Variants in FHIT observed in about 807,000 individuals in gnomAD.
The protein encoded by FHIT is bis(5'-adenosyl)-triphosphatase.
FHIT carries 19 observed loss-of-function variants against 17.9 expected under a neutral mutation model. The observed-to-expected ratio is 1.06, with a 90% CI of 0.74 to 1.56. FHIT has a LOEUF of 1.56. Ranked by LOEUF, FHIT falls within the 40% of genes most tolerant of loss-of-function variation. The pLI, the probability that FHIT is intolerant of heterozygous loss-of-function variation, is 0.00. For missense variants in FHIT, 248 were observed against 189.2 expected (o/e 1.31, Z -1.82); for synonymous variants, 81 against 69.7 (o/e 1.16, Z -0.81).
chr3:60,159,302 G>A (rs1700838477), intron 5 of FHIT, among the ~76,000 whole-genome samples: 1 of 151,994 alleles, frequency 6.6e-6, no homozygotes, highest in Non-Finnish European at 1.5e-5. Context: ...TGTATTTTTA[G>A]CAGAGACAGG....
chr3:60,446,535 C>T (rs1231450206), intron 5 of FHIT, among the ~76,000 whole-genome samples: 1 of 152,066 alleles, frequency 6.6e-6, no homozygotes, highest in East Asian at 1.9e-4. Context: ...GGATGTGCAA[C>T]TCTACTTATT....
chr3:60,671,806 C>T (rs533529725), intron 4 of FHIT, among the ~76,000 whole-genome samples: 9 of 151,352 alleles, frequency 5.9e-5, no homozygotes, highest in Admixed American at 1.3e-4. Context: ...AAAAATTAGC[C>T]GGGTGTAGTG....
intron 5 of FHIT, among the ~76,000 whole-genome samples, chr3:60,089,602 G>T (rs892500449): frequency 2.0e-5 from 3 of 152,126 alleles, no homozygotes; most frequent in Non-Finnish European, 4.4e-5. Flanking sequence ...TCCATTATAG[G>T]CTGGATGAAA....
rs572611380 is a variant in FHIT at position 59,779,341 on chromosome 3, A to G, written c.349-27020T>C. On this transcript the variant is annotated intron_variant, in intron 8 of 9. Coordinates refer to ENST00000492590, the MANE Select transcript of FHIT (RefSeq NM_002012.4). ...CGAGAGGCAGGTTCCAGGAAGCTGAAGCCAACAGAATCAAACCTTAACGTA... is the reference window on the plus strand; with the variant it reads ...CGAGAGGCAGGTTCCAGGAAGCTGAGGCCAACAGAATCAAACCTTAACGTA... 3.3e-5 allele frequency among the ~76,000 whole-genome samples: 5 copies of G among 152,248 alleles called. 1 individual carries two copies. The South Asian group carries it at 1.0e-3, about 32-fold the overall frequency.
intron 8 of FHIT, among the ~76,000 whole-genome samples, chr3:59,831,900 T>C (rs1872494): frequency 1.1e-4 from 17 of 152,196 alleles, no homozygotes; most frequent in African/African-American, 3.6e-4. Flanking sequence ...GGGATTCAAT[T>C]TGTGGCCAAA....
Position 61,158,426 on chromosome 3 carries a change from ACT to A in FHIT, c.-164+42189_-164+42190del, listed in dbSNP as rs565895962. Among the ~76,000 whole-genome samples, 1,133 of 152,190 alleles carry A rather than the reference ACT, an allele frequency of 7.4e-3. 10 individuals are homozygous for A. Among genetic ancestry groups the A allele is most frequent in the African/African-American group, 0.026 (1,087 of 41,498 alleles). ...CGCAGGCCACCAGAAGCAGAATATA[ACT>A]CTCTCTAGGAAGCTGTAAATTAAAG... On this transcript the variant is annotated intron_variant, in intron 2 of 9. Coordinates refer to ENST00000492590, the MANE Select transcript of FHIT (RefSeq NM_002012.4).
chr3:61,200,890 C>T (rs989068738), intron 1 of FHIT, among the ~76,000 whole-genome samples: 3 of 152,192 alleles, frequency 2.0e-5, no homozygotes, highest in African/African-American at 7.2e-5. Flanking sequence ...GCACACAAAC[C>T]TTGGCCAAAT....
intron 4 of FHIT, among the ~76,000 whole-genome samples, chr3:60,587,589 G>T (rs2037948324): frequency 6.6e-6 from 1 of 152,016 alleles, no homozygotes; most frequent in Admixed American, 6.6e-5. Flanking sequence ...GGAATTTAGA[G>T]AAATGTCTTT....
At chr3:59,994,248 G>A (rs1699409695) in intron 7 of FHIT, among the ~76,000 whole-genome samples, 1 of 152,050 alleles carries the variant, frequency 6.6e-6, no homozygotes, top group South Asian at 2.1e-4. Flanking sequence ...CCACTGTAAA[G>A]TACTGTTACC....
At chr3:59,977,686 G>C (rs1006966168) in intron 7 of FHIT, among the ~76,000 whole-genome samples, 5 of 152,068 alleles carry the variant, frequency 3.3e-5, no homozygotes, top group African/African-American at 1.2e-4. Flanking sequence ...CCTGTCCATA[G>C]TTCCCCTTAA....
chr3:60,638,987 T>C (rs552305736), intron 4 of FHIT, among the ~76,000 whole-genome samples: 2 of 147,792 alleles, frequency 1.4e-5, no homozygotes, highest in African/African-American at 2.5e-5. Context: ...CAGAAAGTAA[T>C]TGTGATAGAT....
intron 5 of FHIT, among the ~76,000 whole-genome samples, chr3:60,088,872 A>T (rs576804300): frequency 6.6e-6 from 1 of 152,220 alleles, no homozygotes; most frequent in Non-Finnish European, 1.5e-5. Context: ...TGCCTGACAC[A>T]TGGTAGGTAC....
At chr3:60,566,459 C>G (rs2037138158) in intron 4 of FHIT, among the ~76,000 whole-genome samples, 1 of 152,112 alleles carries the variant, frequency 6.6e-6, no homozygotes, top group Non-Finnish European at 1.5e-5. Flanking sequence ...AGACGTATCT[C>G]AAAATAATAA....
intron 5 of FHIT, among the ~76,000 whole-genome samples, chr3:60,401,048 C>A (rs749589310): frequency 6.6e-6 from 1 of 152,080 alleles, no homozygotes; most frequent in Non-Finnish European, 1.5e-5. Context: ...ATCATTGATA[C>A]GGCTGGCCTG....
At chr3:60,564,639 T>C (rs1317487266) in intron 4 of FHIT, among the ~76,000 whole-genome samples, 1 of 151,960 alleles carries the variant, frequency 6.6e-6, no homozygotes, top group Admixed American at 6.6e-5. Flanking sequence ...AAGACATCAG[T>C]GGTGAAAAAA....
At chr3:59,918,183 C>T (rs79325691) in intron 8 of FHIT, among the ~76,000 whole-genome samples, 3,260 of 152,196 alleles carry the variant, frequency 0.021, 110 homozygotes, top group African/African-American at 0.074. Flanking sequence ...TTAGAACTAG[C>T]AGAGAATTTC....
chr3:60,220,015 CT>C (rs1249283002), intron 5 of FHIT, among the ~76,000 whole-genome samples: 6 of 151,858 alleles, frequency 4.0e-5, no homozygotes, highest in African/African-American at 1.2e-4. Flanking sequence ...ATCAGTCCCC[CT>C]GATACAAAAG....
At chr3:60,963,041 T>C (rs1553781635) in intron 3 of FHIT, among the ~76,000 whole-genome samples, 1 of 152,198 alleles carries the variant, frequency 6.6e-6, no homozygotes, top group Admixed American at 6.5e-5. Context: ...AGAATTCGGC[T>C]GTGAATCCAT....
intron 2 of FHIT, among the ~76,000 whole-genome samples, chr3:61,176,726 GAGAAGA>G (rs571404889): frequency 6.6e-6 from 1 of 152,208 alleles, no homozygotes; most frequent in Non-Finnish European, 1.5e-5. Flanking sequence ...CAAAGAGACA[GAGAAGA>G]ACTGACATGA....
Sources: gnomAD v4.1 joint callset for allele counts (sites outside exome capture counted in the v4.1 genomes callset) on GRCh38, gnomAD v4.1.1 for gene constraint, MANE v1.5 for transcripts, NCBI Gene and HGNC (gene_info 2026-07-23, HGNC 2026-07-21) for gene names.